RBM38: variants seen among roughly 807,000 people sequenced by gnomAD.
RBM38 encodes the protein RNA binding motif protein 38.
Under a neutral mutation model 23.5 loss-of-function variants are expected in RBM38, and 11 were observed. That is an observed-to-expected ratio of 0.47 (90% CI 0.29 to 0.77). The LOEUF is 0.77. RBM38 is among the 30% of genes least tolerant of loss of function. The probability of loss-of-function intolerance (pLI) is 0.08; values close to 1 mark genes in which losing one functional copy is unlikely to be tolerated. For synonymous variants in RBM38, 165 were observed against 166.1 expected, an observed-to-expected ratio of 0.99 and a Z score of 0.05; for missense variants, 330 against 351.9, an observed-to-expected ratio of 0.94 and a Z score of 0.50.
At chr20:57,406,693 C>T (rs750684889) in intron 3 of RBM38, among the ~76,000 whole-genome samples, 1 of 152,156 alleles carries the variant, frequency 6.6e-6, no homozygotes, top group African/African-American at 2.4e-5. Context: ...CTGGCAGGGA[C>T]AGAAAGAAAC....
At chr20:57,391,890 CG>C (rs1245358097) in intron 1 of RBM38, 72 bp downstream of exon 1, 14 of 1,159,974 alleles carry the variant, frequency 1.2e-5, no homozygotes, top group Non-Finnish European at 1.6e-5. Flanking sequence ...GAGTCCACTC[CG>C]GGGCACACGC....
intron 3 of RBM38, among the ~76,000 whole-genome samples, chr20:57,403,170 C>G (rs2067346564): frequency 6.6e-6 from 1 of 152,196 alleles, no homozygotes; most frequent in South Asian, 2.1e-4. Flanking sequence ...GCACAGTTGT[C>G]CTGGTTGGGA....
At chr20:57,393,413 G>C in intron 3 of RBM38, 80 bp downstream of exon 3, 1 of 1,435,028 alleles carries the variant, frequency 7.0e-7, no homozygotes, top group African/African-American at 1.4e-5. Flanking sequence ...GGGTCTGGAA[G>C]GCTGGGGAAA....
At chr20:57,392,286 G>A (rs974723409) in intron 1 of RBM38, 5 of 565,172 alleles carry the variant, frequency 8.8e-6, no homozygotes, top group Non-Finnish European at 1.5e-5. Context: ...TACCTTCCAA[G>A]CATAGCGTCG....
intron 3 of RBM38, among the ~76,000 whole-genome samples, chr20:57,404,351 C>T (rs1207341123): frequency 6.6e-6 from 1 of 152,276 alleles, no homozygotes; most frequent in East Asian, 1.9e-4. Flanking sequence ...TTAGCAAAAC[C>T]TTGCGGGGAG....
chr20:57,400,342 G>A (rs1332532172), intron 3 of RBM38, among the ~76,000 whole-genome samples: 1 of 152,198 alleles, frequency 6.6e-6, no homozygotes, highest in African/African-American at 2.4e-5. Flanking sequence ...GGGAAGGGAG[G>A]CAGGCACCTC....
chr20:57,400,098 G>A (rs1210550647), intron 3 of RBM38: 2 of 427,468 alleles, frequency 4.7e-6, no homozygotes, highest in Non-Finnish European at 9.4e-6. Context: ...CTCTGTCTTG[G>A]GGGCAATCTG....
At chr20:57,395,493 T>C (rs553717709) in intron 3 of RBM38, among the ~76,000 whole-genome samples, 1 of 152,290 alleles carries the variant, frequency 6.6e-6, no homozygotes, top group South Asian at 2.1e-4. Flanking sequence ...GCTGGCCATT[T>C]AATACTTGTG....
At chr20:57,399,888 G>C in intron 3 of RBM38, 1 of 456,368 alleles carries the variant, frequency 2.2e-6, no homozygotes, top group East Asian at 6.9e-5. Flanking sequence ...AGCAGGGAAA[G>C]TGAAATGGGC....
chr20:57,402,524 C>T (rs1206275136), intron 3 of RBM38, among the ~76,000 whole-genome samples: 3 of 152,220 alleles, frequency 2.0e-5, no homozygotes, highest in African/African-American at 7.2e-5. Context: ...CAGACACGTG[C>T]CCTGGCAGGC....
intron 3 of RBM38, among the ~76,000 whole-genome samples, chr20:57,400,473 G>A (rs2067316215): frequency 6.6e-6 from 1 of 152,154 alleles, no homozygotes. Flanking sequence ...CCTAATGGTG[G>A]CCCGTTTCAG....
At chr20:57,398,617 C>T (rs1360925998) in intron 3 of RBM38, among the ~76,000 whole-genome samples, 2 of 152,274 alleles carry the variant, frequency 1.3e-5, no homozygotes, top group Non-Finnish European at 2.9e-5. Context: ...CACCGTGGCC[C>T]TCCTGGGCGG....
In RBM38 at chr20:57,392,691, G is replaced by A. The variant is rs2067232817; in HGVS notation, c.275G>A (p.Cys92Tyr). The A allele has an allele frequency of 6.2e-7, 1 of 1,612,836 alleles. No individual in the cohort carries two copies. The highest frequency in any genetic ancestry group is 2.2e-5 in the East Asian group (1 of 44,886). Reference sequence around the variant, plus strand: ...GACCGGGCGGCAGCTGAGAGGGCTTGCAAAGACCCGAACCCCATCATCGAC... The same window carrying A: ...GACCGGGCGGCAGCTGAGAGGGCTTACAAAGACCCGAACCCCATCATCGAC... Reference protein sequence around the residue: ...MADRAAAERACKDPNPIIDGR... With the variant: ...MADRAAAERAYKDPNPIIDGR... The change falls in exon 2 of 4, where the codon TGC becomes TAC. Residue 92 changes from cysteine to tyrosine, a missense_variant. By Grantham distance (194) the Cys-to-Tyr change is radical. Transcript: ENST00000356208.
chr20:57,404,606 C>G (rs1048574512), intron 3 of RBM38, among the ~76,000 whole-genome samples: 1 of 152,228 alleles, frequency 6.6e-6, no homozygotes, highest in Non-Finnish European at 1.5e-5. Flanking sequence ...GGCCAGAGCT[C>G]CTCATCCTTC....
At chr20:57,394,443 C>T (rs1289658443) in intron 3 of RBM38, among the ~76,000 whole-genome samples, 1 of 152,106 alleles carries the variant, frequency 6.6e-6, no homozygotes, top group Non-Finnish European at 1.5e-5. Flanking sequence ...TGCCGGCTTC[C>T]GTGTGTATTG....
At position 57,407,794 on chromosome 20, in the gene RBM38, C is replaced by T; in HGVS notation, c.668C>T (p.Thr223Ile). ...CTCTCAGCCGCAGCACCCGCGGGCA[C>T]CACTTTCGTGCAGTACCAGGCGCCG... ...QALSAAAPAG[T>I]TFVQYQAPQL... is the part of the protein sequence containing the mutation. Residue 223 changes from threonine to isoleucine, a missense_variant, in exon 4 of 4, where the codon ACC becomes ATC. Coordinates refer to ENST00000356208, the MANE Select transcript of RBM38 (RefSeq NM_017495.6). The surrounding 1 kb of genome is among the most constrained non-coding windows in gnomAD (Gnocchi z 4.0). 1.2e-6 allele frequency: 2 copies of T among 1,601,572 alleles called. No individual in the cohort carries two copies. The highest frequency in any genetic ancestry group is 2.2e-5 in the South Asian group (2 of 89,742).
chr20:57,392,221 C>G, intron 1 of RBM38: 1 of 346,574 alleles, frequency 2.9e-6, no homozygotes. Flanking sequence ...GCCCTCTCAG[C>G]CGCCCCAAAT....
intron 1 of RBM38, chr20:57,392,083 C>T (rs2067224840): frequency 1.2e-5 from 2 of 172,284 alleles, no homozygotes; most frequent in African/African-American, 2.5e-5. Flanking sequence ...TCAATTAGGA[C>T]TCCTAAGTTG....
intron 3 of RBM38, among the ~76,000 whole-genome samples, chr20:57,398,260 G>A (rs975114493): frequency 2.0e-5 from 3 of 152,010 alleles, no homozygotes; most frequent in African/African-American, 7.3e-5. Context: ...GTGTGTGTGT[G>A]TGTGTGTGTG....
Sources: allele counts gnomAD v4.1 joint callset (sites outside exome capture counted in the v4.1 genomes callset), GRCh38; gene constraint gnomAD v4.1.1; non-coding constraint Gnocchi (gnomAD v3.1); transcripts MANE v1.5; gene names NCBI Gene and HGNC (gene_info 2026-07-23, HGNC 2026-07-21).